The following TTF2 variants were observed in gnomAD, a reference collection of about 807,000 sequenced individuals.
TTF2 encodes RNA polymerase II termination factor.
A neutral mutation model predicts 142.4 loss-of-function variants in TTF2; 108 were observed. The ratio of observed to expected loss-of-function variants is 0.76; its 90% confidence interval spans 0.65 to 0.89. TTF2 has a LOEUF of 0.89. Among genes scored for constraint, TTF2 ranks in the 40% least tolerant of loss-of-function variants. The probability of loss-of-function intolerance (pLI) is 0.00; values close to 1 mark genes in which losing one functional copy is unlikely to be tolerated. For missense variants in TTF2, 1,327 were observed against 1,379.8 expected (o/e 0.96, Z 0.61); for synonymous variants, 483 against 506.2 (o/e 0.95, Z 0.61).
At chr1:117,084,865 T>G (rs1647872606) in intron 11 of TTF2, among the ~76,000 whole-genome samples, 1 of 152,192 alleles carries the variant, frequency 6.6e-6, no homozygotes, top group Non-Finnish European at 1.5e-5. Context: ...CTCCCCAGCC[T>G]CCAATTTGGA....
In TTF2 at chr1:117,073,214, A is replaced by G. The variant is rs1339991896; in HGVS notation, c.219-447A>G. 6.6e-6 allele frequency among the ~76,000 whole-genome samples: 1 copy of G among 152,136 alleles called. No homozygotes were observed. The highest frequency in any genetic ancestry group is 1.5e-5 in the Non-Finnish European group (1 of 68,036). On this transcript the variant is annotated intron_variant, in intron 3 of 22. Transcript: ENST00000369466. The surrounding 1 kb of genome is among the most constrained non-coding windows in gnomAD (Gnocchi z 4.4). ...TTCTTCTGTTGTTTCTATTTCCTAT[A>G]AATTGGTAATTGGATCTAGAGGTTA...
At position 117,080,262 on chromosome 1, in the gene TTF2, T is replaced by C. The variant is rs147196105; in HGVS notation, c.1783+613T>C. Among the ~76,000 whole-genome samples, 794 of 152,200 alleles carry C rather than the reference T, an allele frequency of 5.2e-3. 6 individuals are homozygous for C. Among genetic ancestry groups the C allele is most frequent in the African/African-American group, 0.018 (761 of 41,534 alleles). On this transcript the variant is annotated intron_variant, in intron 9 of 22. Coordinates refer to ENST00000369466, the MANE Select transcript of TTF2 (RefSeq NM_003594.4). The surrounding 1 kb of genome is among the most constrained non-coding windows in gnomAD (Gnocchi z 4.3). ...CTGACCTCAGGTGCTCCACCTGCCTTGGCCTTCCCAAAGTGCTGGGATTAC... is the reference window on the plus strand; with the variant it reads ...CTGACCTCAGGTGCTCCACCTGCCTCGGCCTTCCCAAAGTGCTGGGATTAC...
intron 19 of TTF2, among the ~76,000 whole-genome samples, chr1:117,095,796 T>C (rs930549490): frequency 1.7e-4 from 26 of 152,230 alleles, no homozygotes; most frequent in Non-Finnish European, 2.6e-4. Flanking sequence ...CCTGTTGTTC[T>C]GGCTGGCACA....
chr1:117,084,036 C>A lies in TTF2; in HGVS notation c.1922C>A (p.Ser641Tyr). The change falls in exon 11 of 23, where the codon TCC becomes TAC. Residue 641 changes from serine to tyrosine, a missense_variant. By Grantham distance (144) the Ser-to-Tyr change is moderately radical (BLOSUM62 -2). Coordinates refer to ENST00000369466, the MANE Select transcript of TTF2 (RefSeq NM_003594.4). ...LSKDDSCDFT[S>Y]HGTLIICPAS... Reference sequence around the variant, plus strand: ...TCTCAAGACTCTTGTGACTTTACTTCCCATGGAACACTAATCATCTGTCCT... The same window carrying A: ...TCTCAAGACTCTTGTGACTTTACTTACCATGGAACACTAATCATCTGTCCT... 6.2e-7 allele frequency: 1 copy of A among 1,614,170 alleles called. No individual in the cohort carries two copies. Among genetic ancestry groups the A allele is most frequent in the Non-Finnish European group, 8.5e-7 (1 of 1,180,016 alleles).
intron 4 of TTF2, 67 bp from the exon 5 acceptor site, chr1:117,074,797 TGAAAAG>T (rs1656857356): frequency 7.3e-7 from 1 of 1,366,952 alleles, no homozygotes; most frequent in Admixed American, 2.8e-5. Flanking sequence ...AAAGTTGAGA[TGAAAAG>T]GAAAGGCATT....
In TTF2 at chr1:117,099,389, C is replaced by A. The variant is rs1649406232; in HGVS notation, c.3344+482C>A. Among the ~76,000 whole-genome samples the A allele has an allele frequency of 1.3e-5, 2 of 152,086 alleles. No homozygotes were observed. The highest frequency in any genetic ancestry group is 2.9e-5 in the Non-Finnish European group (2 of 68,012). Reference sequence around the variant, plus strand: ...TTCTCTTACGTAACCCCAATAAAATCATCAAAATCAGGTTATTAAAATTAA... The same window carrying A: ...TTCTCTTACGTAACCCCAATAAAATAATCAAAATCAGGTTATTAAAATTAA... On this transcript the variant is annotated intron_variant, in intron 22 of 22. Coordinates refer to ENST00000369466, the MANE Select transcript of TTF2 (RefSeq NM_003594.4). The surrounding 1 kb of genome is among the most constrained non-coding windows in gnomAD (Gnocchi z 4.3).
rs562823752 is a variant in TTF2, at chr1:117,107,182, G to C, written c.*5658G>C. ...CTCTGTTGATCACTGACTCTGCCAG[G>C]TCTTTCAGCAGGCAAGACAGCTCAG... On this transcript the variant is annotated 3_prime_UTR_variant, in exon 23 of 23. Coordinates refer to ENST00000369466, the MANE Select transcript of TTF2 (RefSeq NM_003594.4). 1 of 152,262 alleles carries C rather than the reference G, an allele frequency of 6.6e-6. No homozygotes were observed. Among genetic ancestry groups the C allele is most frequent in the Admixed American group, 6.5e-5 (1 of 15,296 alleles). The allele number at this position is 152,262 out of a possible 1,614,324, so 9.4% of individuals were successfully genotyped here.
chr1:117,104,990 C>T lies in TTF2; in HGVS notation c.*3466C>T, dbSNP rs6668796. 0.95 allele frequency: 145,175 copies of T among 152,330 alleles called. 69,217 individuals carry two copies. Among genetic ancestry groups the T allele is most frequent in the African/African-American group, 0.97 (40,376 of 41,568 alleles). The allele number at this position is 152,330 out of a possible 1,614,324, so 9.4% of individuals were successfully genotyped here. ...TAGCGATGGGCAGCATCCCACAACA[C>T]AGTGGTCTAATTGAGGTGCTGCACT... is the stretch of plus-strand genomic sequence containing the variant. On this transcript the variant is annotated 3_prime_UTR_variant, in exon 23 of 23. Transcript: ENST00000369466.
rs1364962285 is a variant in TTF2, at chr1:117,087,706, A to T, written c.2161-1095A>T. ...TCATACCAAGGGATCTGTAGTTCCC[A>T]CCATGCTCTGTCACAGTGTTGTGTC... On this transcript the variant is annotated intron_variant, in intron 12 of 22. Coordinates refer to ENST00000369466, the MANE Select transcript of TTF2 (RefSeq NM_003594.4). This position sits in a 1 kb window ranked among gnomAD's most constrained non-coding sequence, Gnocchi z 4.8. 6.6e-6 allele frequency among the ~76,000 whole-genome samples: 1 copy of T among 152,130 alleles called. No homozygotes were observed. Among genetic ancestry groups the T allele is most frequent in the Non-Finnish European group, 1.5e-5 (1 of 68,016 alleles).
Position 117,090,129 on chromosome 1 carries a change from G to A in TTF2, c.2417G>A (p.Gly806Glu). Reference sequence around the variant, plus strand: ...GTTGACAATGGCTCAAAGAAAGGAGGAGAACGGTTAAGTATTTTAACCAAG... The same window carrying A: ...GTTGACAATGGCTCAAAGAAAGGAGAAGAACGGTTAAGTATTTTAACCAAG... ...SQVDNGSKKG[G>E]ERLSILTKSL... Residue 806 changes from glycine (G) to glutamate (E), a missense_variant, in exon 14 of 23, where the codon GGA becomes GAA. Gly to Glu is a moderately conservative substitution (Grantham distance 98, BLOSUM62 -2). Transcript: ENST00000369466. The surrounding 1 kb of genome is among the most constrained non-coding windows in gnomAD (Gnocchi z 4.8). The A allele has an allele frequency of 1.2e-6, 2 of 1,614,178 alleles. No individual in the cohort carries two copies.
At chr1:117,066,437 C>T (rs1167253006) in intron 3 of TTF2, among the ~76,000 whole-genome samples, 2 of 152,134 alleles carry the variant, frequency 1.3e-5, no homozygotes, top group African/African-American at 2.4e-5. Flanking sequence ...GGCATATAAA[C>T]GTGTTCCTTC....
In TTF2 at chr1:117,079,559, C is replaced by A. The variant is rs1557814369; in HGVS notation, c.1702-9C>A. ...TTTATGCTTAGCATTTGGTTATTAC[C>A]TTTGTCAGGTCCCTTTGCTACTACA... On this transcript the variant is annotated splice_polypyrimidine_tract_variant and intron_variant, in intron 8 of 22. Coordinates refer to ENST00000369466, the MANE Select transcript of TTF2 (RefSeq NM_003594.4). This position sits in a 1 kb window ranked among gnomAD's most constrained non-coding sequence, Gnocchi z 4.2. 5.0e-6 allele frequency: 8 copies of A among 1,613,994 alleles called. No homozygotes were observed. The highest frequency in any genetic ancestry group is 6.8e-6 in the Non-Finnish European group (8 of 1,179,984).
chr1:117,098,722 T>C, intron 21 of TTF2, 111 bp from the exon 22 acceptor site: 2 of 886,872 alleles, frequency 2.3e-6, no homozygotes, highest in East Asian at 2.6e-5. Context: ...ACTGTAACAA[T>C]AATTTTTAGC....
intron 10 of TTF2, 46 bp downstream of exon 10, chr1:117,081,993 A>C: frequency 6.2e-7 from 1 of 1,612,916 alleles, no homozygotes; most frequent in Non-Finnish European, 8.5e-7. Flanking sequence ...ACGTCATTTG[A>C]GCCACCCAAG....
At chr1:117,077,478 T>C (rs1412854373) in intron 7 of TTF2, among the ~76,000 whole-genome samples, 1 of 152,170 alleles carries the variant, frequency 6.6e-6, no homozygotes, top group East Asian at 1.9e-4. Flanking sequence ...GCAGATATGC[T>C]CTTATTCTTT....
rs999507936 is a variant in TTF2 at position 117,087,027 on chromosome 1, G to C, written c.2160+505G>C. Among the ~76,000 whole-genome samples, 4 of 152,140 alleles carry C rather than the reference G, an allele frequency of 2.6e-5. No individual in the cohort carries two copies. Among genetic ancestry groups the C allele is most frequent in the African/African-American group, 9.7e-5 (4 of 41,418 alleles). Reference sequence around the variant, plus strand: ...ACGTGATGGTCTTCTAGGGTGTCCAGGGCAGCCTCAGTTATGTGATGTAGA... The same window carrying C: ...ACGTGATGGTCTTCTAGGGTGTCCACGGCAGCCTCAGTTATGTGATGTAGA... On this transcript the variant is annotated intron_variant, in intron 12 of 22. Coordinates refer to ENST00000369466, the MANE Select transcript of TTF2 (RefSeq NM_003594.4). This position sits in a 1 kb window ranked among gnomAD's most constrained non-coding sequence, Gnocchi z 4.8.
chr1:117,073,625 C>G lies in TTF2; in HGVS notation c.219-36C>G. 1 of 1,566,526 alleles carries G rather than the reference C, an allele frequency of 6.4e-7. No individual in the cohort carries two copies. The highest frequency in any genetic ancestry group is 1.2e-5 in the South Asian group (1 of 86,256). The stretch of plus-strand genomic sequence containing the variant: ...CTTATCTCTTGTTCTAATGGATTTT[C>G]ATAGCCTTGATTATTTGTGTTTTAT... On this transcript the variant is annotated intron_variant, in intron 3 of 22. Coordinates refer to ENST00000369466, the MANE Select transcript of TTF2 (RefSeq NM_003594.4). This position sits in a 1 kb window ranked among gnomAD's most constrained non-coding sequence, Gnocchi z 4.4.
rs757093550 is a variant in TTF2, at chr1:117,101,527, T to G, written c.*3T>G. ...TCAGAGTCCTTTTTGGCATCTAACC[T>G]CCTGTGGATAAGGGCTCAGAATAGC... On this transcript the variant is annotated 3_prime_UTR_variant, in exon 23 of 23. Coordinates refer to ENST00000369466, the MANE Select transcript of TTF2 (RefSeq NM_003594.4). The surrounding 1 kb of genome is among the most constrained non-coding windows in gnomAD (Gnocchi z 5.9). 3.2e-6 allele frequency: 5 copies of G among 1,583,720 alleles called. 1 individual carries two copies. In the South Asian group the frequency reaches 5.9e-5, roughly 19 times the overall value.
At position 117,092,599 on chromosome 1, in the gene TTF2, T is replaced by C. The variant is rs934445683; in HGVS notation, c.2806-132T>C. 1.0e-6 allele frequency: 1 copy of C among 974,888 alleles called. No individual in the cohort carries two copies. The highest frequency in any genetic ancestry group is 1.6e-5 in the African/African-American group (1 of 60,656). 60.4% of individuals were successfully genotyped at this position (974,888 alleles called of 1,614,324 possible). A position where few individuals can be genotyped will look rare whatever the true frequency, so the allele number is the denominator to read the frequency against. On this transcript the variant is annotated intron_variant, in intron 17 of 22. Transcript: ENST00000369466. The surrounding 1 kb of genome is among the most constrained non-coding windows in gnomAD (Gnocchi z 4.4). ...AAGATCACACTTTAATCAAGGTGTC[T>C]TGAGGAGTTACTGATGACAAATTAC...
Sources: allele counts gnomAD v4.1 joint callset (sites outside exome capture counted in the v4.1 genomes callset), GRCh38; gene constraint gnomAD v4.1.1; non-coding constraint Gnocchi (gnomAD v3.1); transcripts MANE v1.5; gene names NCBI Gene and HGNC (gene_info 2026-07-23, HGNC 2026-07-21).